The following CDH11 variants were observed in gnomAD, a reference collection of about 807,000 sequenced individuals.
CDH11 encodes cadherin 11, also known as cadherin-11.
A neutral mutation model predicts 67.8 loss-of-function variants in CDH11; 11 were observed. The ratio of observed to expected loss-of-function variants is 0.16; its 90% CI spans 0.10 to 0.27. The LOEUF (loss-of-function observed/expected upper bound fraction) is 0.27. Among genes scored for constraint, CDH11 ranks in the 10% least tolerant of loss-of-function variants. CDH11 has a pLI of 1.00. For synonymous variants in CDH11, 419 were observed against 400.0 expected, an observed-to-expected ratio of 1.05 and a Z score of -0.57; for missense variants, 847 against 1,031.2, an observed-to-expected ratio of 0.82 and a Z score of 2.45.
At chr16:64,956,451 G>A (rs1221928314) in intron 11 of CDH11, among the ~76,000 whole-genome samples, 1 of 152,236 alleles carries the variant, frequency 6.6e-6, no homozygotes, top group Non-Finnish European at 1.5e-5. Context: ...TGCCTATGCA[G>A]AAGGACTCTT....
At chr16:64,971,557 G>A in intron 11 of CDH11, 22 bp downstream of exon 11, 1 of 1,380,900 alleles carries the variant, frequency 7.2e-7, no homozygotes, top group Non-Finnish European at 1.0e-6. Context: ...TTCTCTGAAT[G>A]CGTAGGAACC....
chr16:65,015,124 G>A (rs770683411), intron 2 of CDH11, among the ~76,000 whole-genome samples: 5 of 151,014 alleles, frequency 3.3e-5, no homozygotes, highest in African/African-American at 4.9e-5. Flanking sequence ...CACCCGCCTC[G>A]GCCTCCCAGA....
At chr16:65,040,495 G>C (rs1356032146) in intron 2 of CDH11, among the ~76,000 whole-genome samples, 1 of 144,464 alleles carries the variant, frequency 6.9e-6, no homozygotes, top group Non-Finnish European at 1.5e-5. Context: ...TCATAGGTGG[G>C]AATTGAACAA....
intron 1 of CDH11, among the ~76,000 whole-genome samples, chr16:65,120,854 C>G (rs1003040904): frequency 6.6e-5 from 10 of 152,202 alleles, no homozygotes; most frequent in African/African-American, 1.9e-4. Context: ...CCCACTTTCT[C>G]TGGGGACTCC....
Position 65,084,716 on chromosome 16 carries a change from C to T in CDH11, c.-297-30788G>A, listed in dbSNP as rs546324608. 3.3e-5 allele frequency among the ~76,000 whole-genome samples: 5 copies of T among 152,226 alleles called. No homozygotes were observed. In the South Asian group the frequency reaches 1.0e-3, roughly 32 times the overall value. ...AATAATGCATTCAGCTACACAAGTG[C>T]TTTACATGTGTTTTTGTATAATATC... On this transcript the variant is annotated intron_variant, in intron 1 of 12. Coordinates refer to ENST00000268603, the MANE Select transcript of CDH11 (RefSeq NM_001797.4).
intron 11 of CDH11, among the ~76,000 whole-genome samples, chr16:64,967,375 A>G (rs2142414211): frequency 6.6e-6 from 1 of 152,212 alleles, no homozygotes; most frequent in South Asian, 2.1e-4. Context: ...ACACCGGCCA[A>G]GCCCAGCTAA....
At chr16:64,950,367 C>T (rs1374331051) in intron 12 of CDH11, among the ~76,000 whole-genome samples, 6 of 152,066 alleles carry the variant, frequency 3.9e-5, no homozygotes, top group Non-Finnish European at 7.4e-5. Flanking sequence ...GTCCCTAAGC[C>T]TTATTCTTTC....
At chr16:64,972,520 T>G (rs1764645862) in intron 9 of CDH11, among the ~76,000 whole-genome samples, 1 of 152,194 alleles carries the variant, frequency 6.6e-6, no homozygotes, top group Non-Finnish European at 1.5e-5. Context: ...ATCAACCTGA[T>G]GCATGATCAA....
At chr16:65,052,650 G>A (rs1298923868) in intron 2 of CDH11, among the ~76,000 whole-genome samples, 1 of 152,132 alleles carries the variant, frequency 6.6e-6, no homozygotes, top group Non-Finnish European at 1.5e-5. Context: ...ATCATTGAAA[G>A]GAAATAAGTG....
At chr16:64,958,153 C>T (rs2071569747) in intron 11 of CDH11, among the ~76,000 whole-genome samples, 1 of 152,198 alleles carries the variant, frequency 6.6e-6, no homozygotes, top group Non-Finnish European at 1.5e-5. Context: ...TCTTATTTAG[C>T]TTTTCAGTCG....
At chr16:65,057,443 T>G (rs2074162822) in intron 1 of CDH11, among the ~76,000 whole-genome samples, 1 of 152,154 alleles carries the variant, frequency 6.6e-6, no homozygotes, top group South Asian at 2.1e-4. Context: ...AGACAGTACA[T>G]GCTATATACT....
intron 11 of CDH11, among the ~76,000 whole-genome samples, chr16:64,966,690 A>G (rs1476261403): frequency 1.1e-5 from 1 of 88,498 alleles, no homozygotes; most frequent in Admixed American, 1.4e-4. Flanking sequence ...AAGATAAGTT[A>G]ATGTTGATAT....
intron 1 of CDH11, among the ~76,000 whole-genome samples, chr16:65,090,756 A>G (rs1048034000): frequency 2.6e-5 from 4 of 152,350 alleles, no homozygotes; most frequent in Middle Eastern, 3.4e-3. Context: ...GCTCCAAATT[A>G]AAAACAAAAT....
intron 2 of CDH11, among the ~76,000 whole-genome samples, chr16:65,025,289 A>T (rs985422781): frequency 1.3e-5 from 2 of 152,210 alleles, no homozygotes; most frequent in African/African-American, 4.8e-5. Flanking sequence ...GGGCAGAAGG[A>T]TGATCAAATG....
intron 8 of CDH11, among the ~76,000 whole-genome samples, chr16:64,976,444 T>C (rs1341511317): frequency 6.6e-6 from 1 of 150,998 alleles, no homozygotes; most frequent in Non-Finnish European, 1.5e-5. Context: ...GTCCAAGAAG[T>C]TAAGAGTTAT....
rs2071158402 is a variant in CDH11, at chr16:64,944,302, C to T, written c.*3301G>A. ...TCTTCCGGGTCAGAGATGACCATGG[C>T]CCAGACCAGGCTGATGGCAGTGCAA... On this transcript the variant is annotated 3_prime_UTR_variant, in exon 13 of 13. Coordinates refer to ENST00000268603, the MANE Select transcript of CDH11 (RefSeq NM_001797.4). 1.3e-5 allele frequency: 3 copies of T among 232,862 alleles called. No individual in the cohort carries two copies. The highest frequency in any genetic ancestry group is 2.5e-5 in the Non-Finnish European group (3 of 117,816). The allele number at this position is 232,862 out of a possible 1,614,324, so 14.4% of individuals were successfully genotyped here.
At chr16:64,961,267 T>C (rs2071668013) in intron 11 of CDH11, among the ~76,000 whole-genome samples, 1 of 152,198 alleles carries the variant, frequency 6.6e-6, no homozygotes, top group Non-Finnish European at 1.5e-5. Flanking sequence ...AAAAGGCTAC[T>C]CTTAAAATTG....
In CDH11 at chr16:64,993,023, T is replaced by C; in HGVS notation, c.535A>G (p.Ile179Val). Reference protein sequence around the residue: ...PERSNVGTSVIQVTASDADDP... With the variant: ...PERSNVGTSVVQVTASDADDP... ...TCTGCATCTGAAGCTGTCACCTGGATTACTGACGTTCCTTAAAAGTGAAAT... is the reference window on the plus strand; with the variant it reads ...TCTGCATCTGAAGCTGTCACCTGGACTACTGACGTTCCTTAAAAGTGAAAT... Residue 179 changes from isoleucine to valine, a missense_variant, in exon 5 of 13, where the codon ATC becomes GTC. Around this residue, in one of 2 missense-constraint regions of CDH11, gnomAD observed 235 missense variants for 352.5 expected, o/e 0.67. Coordinates refer to ENST00000268603, the MANE Select transcript of CDH11 (RefSeq NM_001797.4). The C allele has an allele frequency of 6.2e-7, 1 of 1,611,014 alleles. No homozygotes were observed. Among genetic ancestry groups the C allele is most frequent in the Non-Finnish European group, 8.5e-7 (1 of 1,177,240 alleles).
chr16:65,104,198 C>A (rs1224485259), intron 1 of CDH11, among the ~76,000 whole-genome samples: 3 of 152,138 alleles, frequency 2.0e-5, no homozygotes, highest in African/African-American at 7.2e-5. Flanking sequence ...AAAAGTGAAG[C>A]ATGACACCTT....
Sources: allele counts gnomAD v4.1 joint callset (sites outside exome capture counted in the v4.1 genomes callset), GRCh38; gene constraint gnomAD v4.1.1; regional missense constraint gnomAD v4.1.1; transcripts MANE v1.5; gene names NCBI Gene and HGNC (gene_info 2026-07-23, HGNC 2026-07-21).